Variants in NREP observed in about 807,000 individuals in gnomAD.
NREP encodes neuronal regeneration-related protein.
In NREP, 5 loss-of-function variants were observed where a neutral mutation model predicts 8.6. The observed-to-expected ratio is 0.58, with a 90% confidence interval of 0.30 to 1.22. The LOEUF (loss-of-function observed/expected upper bound fraction) is 1.22, where lower values mean the gene tolerates loss of function less well. Among genes scored for constraint, NREP ranks in the 50% most tolerant of loss-of-function variants. The pLI is 0.07. For missense variants in NREP, 86 were observed against 82.5 expected (o/e 1.04, Z -0.17); for synonymous variants, 27 against 28.0 (o/e 0.96, Z 0.11).
At position 111,857,907 on chromosome 5, in the gene NREP, T is replaced by C. The variant is rs530878698; in HGVS notation, c.135+117367A>G. On this transcript the variant is annotated intron_variant, in intron 2 of 3. Coordinates refer to the NREP transcript ENST00000395634. ...AGCAATAGGAAGTGACAATAGCCAC[T>C]GTCCCAAGTGGGAGTCTCTTTCAAT... 8.5e-5 allele frequency among the ~76,000 whole-genome samples: 13 copies of C among 152,102 alleles called. No individual in the cohort carries two copies. In the East Asian group the frequency reaches 2.5e-3, roughly 29 times the overall value.
upstream of NREP, chr5:111,758,038 C>G: frequency 2.0e-6 from 2 of 985,472 alleles, no homozygotes; most frequent in Non-Finnish European, 2.4e-6. Flanking sequence ...GAAAATGGTG[C>G]CTGCGGCGGC....
At chr5:111,885,046 C>G (rs1754202834) in intron 2 of NREP, among the ~76,000 whole-genome samples, 1 of 152,154 alleles carries the variant, frequency 6.6e-6, no homozygotes, top group African/African-American at 2.4e-5. Context: ...TCCCTGTTTG[C>G]AGATGACATG....
chr5:111,733,597 C>T (rs959473495), intron 3 of NREP: 1 of 151,916 alleles, frequency 6.6e-6, no homozygotes, highest in Non-Finnish European at 1.5e-5. Context: ...AGATGGGACA[C>T]AAAGAAGTCT....
chr5:111,798,755 GTGTGTGTGTGTGTGTGTGTGTA>G lies in NREP; in HGVS notation c.136-63270_136-63249del, dbSNP rs371655873. Among the ~76,000 whole-genome samples the G allele has an allele frequency of 3.9e-3, 373 of 96,386 alleles. 3 individuals carry two copies. The highest frequency in any genetic ancestry group is 0.01 in the African/African-American group (238 of 23,792). The allele number at this position is 96,386 out of a possible 152,430, so 63.2% of individuals were successfully genotyped here. On this transcript the variant is annotated intron_variant, in intron 2 of 3. Coordinates refer to the NREP transcript ENST00000395634. ...CCATGGTGTGTGTGTGTGTGTGTGT[GTGTGTGTGTGTGTGTGTGTGTA>G]TGTGTGTGTGTATACATATATATCA... is the stretch of plus-strand genomic sequence containing the variant.
intron 2 of NREP, among the ~76,000 whole-genome samples, chr5:111,749,947 TGTAA>T (rs1283892060): frequency 1.1e-4 from 17 of 152,012 alleles, no homozygotes; most frequent in Non-Finnish European, 2.1e-4. Context: ...AACCAGAAAG[TGTAA>T]GTGAGTGAGT....
chr5:111,851,683 TAGAA>T (rs895264473), intron 2 of NREP, among the ~76,000 whole-genome samples: 12 of 152,132 alleles, frequency 7.9e-5, no homozygotes, highest in African/African-American at 2.2e-4. Flanking sequence ...AAATTTCCCT[TAGAA>T]AGAATAAGCT....
chr5:111,779,067 A>G (rs924061984), intron 2 of NREP, among the ~76,000 whole-genome samples: 66 of 152,206 alleles, frequency 4.3e-4, no homozygotes, highest in Non-Finnish European at 5.4e-4. Context: ...AAAAGAGTAC[A>G]TAAACTTATT....
chr5:111,740,275 T>G (rs931467516), intron 2 of NREP, among the ~76,000 whole-genome samples: 1 of 152,130 alleles, frequency 6.6e-6, no homozygotes, highest in Non-Finnish European at 1.5e-5. Flanking sequence ...TCTTAGGAAA[T>G]ACCAATTTTA....
chr5:111,762,752 T>TAA (rs1750990007), intron 2 of NREP, among the ~76,000 whole-genome samples: 1 of 152,194 alleles, frequency 6.6e-6, no homozygotes, highest in South Asian at 2.1e-4. Flanking sequence ...TGAATGCCTG[T>TAA]TGTTTAAGCC....
intron 2 of NREP, among the ~76,000 whole-genome samples, chr5:111,872,061 A>T (rs1205778802): frequency 1.3e-5 from 2 of 151,032 alleles, no homozygotes; most frequent in African/African-American, 4.9e-5. Context: ...TATATAAATA[A>T]ATATATATAC....
chr5:111,853,333 A>G lies in NREP; in HGVS notation c.136-117826T>C, dbSNP rs1332856166. On this transcript the variant is annotated intron_variant, in intron 2 of 3. Coordinates refer to the NREP transcript ENST00000395634. ...AGTGGTGGACACATTGTCATTATAC[A>G]TTTGTCAAAACCCATAGAATGTACA... Among the ~76,000 whole-genome samples the G allele has an allele frequency of 3.3e-5, 5 of 152,126 alleles. No homozygotes were observed. The South Asian group carries it at 8.3e-4, about 25-fold the overall frequency.
chr5:111,864,647 G>T (rs1293809495), intron 2 of NREP, among the ~76,000 whole-genome samples: 2 of 152,174 alleles, frequency 1.3e-5, no homozygotes, highest in African/African-American at 4.8e-5. Context: ...GAGAAACACT[G>T]CTCTGAAAGG....
At chr5:111,975,187 T>C in intron 2 of NREP, 1 of 875,066 alleles carries the variant, frequency 1.1e-6, no homozygotes, top group South Asian at 1.6e-5. Context: ...CTGCACCAGT[T>C]CAGGAATCAC....
intron 2 of NREP, among the ~76,000 whole-genome samples, chr5:111,892,533 CTTAAAT>C (rs1228944187): frequency 1.3e-5 from 2 of 151,728 alleles, no homozygotes; most frequent in Non-Finnish European, 2.9e-5. Flanking sequence ...TTATATGTTA[CTTAAAT>C]TTAAAAAACT....
intron 2 of NREP, among the ~76,000 whole-genome samples, chr5:111,873,920 T>A (rs1296461198): frequency 6.6e-6 from 1 of 152,248 alleles, no homozygotes; most frequent in African/African-American, 2.4e-5. Context: ...TCCCATTCCC[T>A]CTGAATTTCT....
chr5:111,970,243 AT>A (rs1361665370), intron 2 of NREP, among the ~76,000 whole-genome samples: 1 of 152,002 alleles, frequency 6.6e-6, no homozygotes, highest in East Asian at 1.9e-4. Flanking sequence ...TTTTGAAATT[AT>A]TTTGTGTCTA....
rs116360127 is a variant in NREP, at chr5:111,786,972, C to G, written c.136-51465G>C. ...GGTACTAGGCTACATGTATGCTACCCTTCTTAAACTATGTCCAGCAGAGCA... is the reference window on the plus strand; with the variant it reads ...GGTACTAGGCTACATGTATGCTACCGTTCTTAAACTATGTCCAGCAGAGCA... On this transcript the variant is annotated intron_variant, in intron 2 of 3. Transcript: ENST00000395634. 5.7e-3 allele frequency among the ~76,000 whole-genome samples: 872 copies of G among 152,276 alleles called. 4 individuals carry two copies. Among genetic ancestry groups the G allele is most frequent in the African/African-American group, 0.02 (837 of 41,538 alleles).
chr5:111,862,768 A>G (rs1753579264), intron 2 of NREP, among the ~76,000 whole-genome samples: 1 of 151,852 alleles, frequency 6.6e-6, no homozygotes, highest in African/African-American at 2.4e-5. Context: ...GACAGACAAA[A>G]CTACCCATGG....
At chr5:111,819,835 A>C (rs765024960) in intron 2 of NREP, among the ~76,000 whole-genome samples, 7 of 152,346 alleles carry the variant, frequency 4.6e-5, no homozygotes, top group Non-Finnish European at 8.8e-5. Context: ...TCTTGCACTT[A>C]GGAATACTTG....
Sources: allele counts gnomAD v4.1 joint callset (sites outside exome capture counted in the v4.1 genomes callset), GRCh38; gene constraint gnomAD v4.1.1; transcripts MANE v1.5; gene names NCBI Gene and HGNC (gene_info 2026-07-23, HGNC 2026-07-21).